Variants in SAMD3 observed in about 807,000 individuals in gnomAD.
SAMD3 encodes sterile alpha motif domain containing 3.
SAMD3 carries 63 observed loss-of-function variants against 58.5 expected under a neutral mutation model. That is an observed-to-expected ratio of 1.08 (90% CI 0.88 to 1.33). The LOEUF (loss-of-function observed/expected upper bound fraction) is 1.33. Ranked by LOEUF, SAMD3 falls within the 40% of genes most tolerant of loss-of-function variation. The probability of loss-of-function intolerance (pLI) is 0.00; values close to 1 mark genes in which losing one functional copy is unlikely to be tolerated. For synonymous variants in SAMD3, 220 were observed against 210.3 expected (o/e 1.05, Z -0.40); for missense variants, 604 against 608.4 (o/e 0.99, Z 0.08).
chr6:130,211,428 C>A (rs992174048), intron 4 of SAMD3, among the ~76,000 whole-genome samples: 2 of 151,742 alleles, frequency 1.3e-5, no homozygotes, highest in Admixed American at 1.3e-4. Context: ...GGATTACAGG[C>A]ACCCGCCACC....
At chr6:130,233,526 G>A (rs562807322) in intron 2 of SAMD3, among the ~76,000 whole-genome samples, 3 of 152,216 alleles carry the variant, frequency 2.0e-5, no homozygotes, top group Non-Finnish European at 4.4e-5. Flanking sequence ...GGTCATCAAG[G>A]ATCCCGAGCT....
chr6:130,352,966 T>C (rs1278494120), intron 1 of SAMD3, among the ~76,000 whole-genome samples: 1 of 152,246 alleles, frequency 6.6e-6, no homozygotes, highest in African/African-American at 2.4e-5. Context: ...TTTCTTCATG[T>C]TTCTATCGGC....
chr6:130,199,087 G>A (rs142459811), intron 5 of SAMD3, among the ~76,000 whole-genome samples: 134 of 152,254 alleles, frequency 8.8e-4, no homozygotes, highest in African/African-American at 3.2e-3. Context: ...GGAGAACAAG[G>A]GACAAGTGGA....
At chr6:130,261,094 G>C (rs1344504606) in intron 2 of SAMD3, among the ~76,000 whole-genome samples, 1 of 150,348 alleles carries the variant, frequency 6.7e-6, no homozygotes, top group Non-Finnish European at 1.5e-5. Context: ...TTTGGTTTTG[G>C]TTTTGGTTTT....
At chr6:130,269,026 T>C (rs1774461100) in intron 2 of SAMD3, among the ~76,000 whole-genome samples, 1 of 152,196 alleles carries the variant, frequency 6.6e-6, no homozygotes, top group South Asian at 2.1e-4. Context: ...GGTCTGAGGA[T>C]TATTTGCCTA....
intron 1 of SAMD3, among the ~76,000 whole-genome samples, chr6:130,321,708 A>G (rs1776590176): frequency 1.0e-5 from 1 of 95,484 alleles, no homozygotes; most frequent in African/African-American, 1.1e-4. Flanking sequence ...CATTCCCCCA[A>G]TAAAATAAGA....
intron 2 of SAMD3, among the ~76,000 whole-genome samples, chr6:130,302,007 T>C (rs771304655): frequency 6.6e-5 from 10 of 152,158 alleles, no homozygotes; most frequent in Non-Finnish European, 2.9e-5. Flanking sequence ...GAAAAACTCT[T>C]GTGGACATTG....
Position 130,285,087 on chromosome 6 carries a change from T to C in SAMD3, c.-188+27891A>G, listed in dbSNP as rs191296086. Among the ~76,000 whole-genome samples the C allele has an allele frequency of 1.4e-4, 22 of 152,322 alleles. No homozygotes were observed. The East Asian group carries it at 3.7e-3, about 25-fold the overall frequency. The stretch of plus-strand genomic sequence containing the variant: ...TAGTATTCAATGGTTAAAAATGGAC[T>C]AGATCTCATGGATAAGATGGATAAT... On this transcript the variant is annotated intron_variant, in intron 2 of 13. Transcript: ENST00000368134.
chr6:130,157,693 T>C (rs1789917553), intron 8 of SAMD3, among the ~76,000 whole-genome samples: 1 of 152,190 alleles, frequency 6.6e-6, no homozygotes, highest in Admixed American at 6.5e-5. Context: ...ACAAAGGTGC[T>C]TTATTAAACT....
chr6:130,254,796 C>A (rs1773869721), intron 2 of SAMD3, among the ~76,000 whole-genome samples: 2 of 152,268 alleles, frequency 1.3e-5, no homozygotes, highest in Non-Finnish European at 2.9e-5. Context: ...AGTATTCCCT[C>A]CTCTTTGACT....
At chr6:130,268,669 T>C (rs1056932670) in intron 2 of SAMD3, among the ~76,000 whole-genome samples, 18 of 152,192 alleles carry the variant, frequency 1.2e-4, no homozygotes, top group Non-Finnish European at 4.4e-5. Context: ...TAATATTCAG[T>C]ATAGTAACGT....
At chr6:130,346,079 A>G (rs1777440337) in intron 1 of SAMD3, among the ~76,000 whole-genome samples, 1 of 152,228 alleles carries the variant, frequency 6.6e-6, no homozygotes, top group Non-Finnish European at 1.5e-5. Flanking sequence ...AAAAATTAAT[A>G]TGGTTGGGAG....
chr6:130,285,121 A>G (rs1164479590), intron 2 of SAMD3, among the ~76,000 whole-genome samples: 1 of 152,256 alleles, frequency 6.6e-6, no homozygotes, highest in Non-Finnish European at 1.5e-5. Context: ...ATTCCATCTG[A>G]TCATTCCATA....
chr6:130,192,617 T>C (rs1234404800), intron 5 of SAMD3, among the ~76,000 whole-genome samples: 1 of 151,964 alleles, frequency 6.6e-6, no homozygotes, highest in Admixed American at 6.6e-5. Flanking sequence ...GCTGACTCTC[T>C]TTTTGGACTC....
At chr6:130,144,314 C>G, downstream of SAMD3, 1 of 551,878 alleles carries the variant, frequency 1.8e-6, no homozygotes, top group South Asian at 3.0e-5. Context: ...ATCGACAGCT[C>G]TTTAATGAAG....
intron 8 of SAMD3, among the ~76,000 whole-genome samples, chr6:130,172,340 G>T (rs567794228): frequency 6.6e-6 from 1 of 152,278 alleles, no homozygotes; most frequent in South Asian, 2.1e-4. Flanking sequence ...GCAGTGGCTG[G>T]TACCAGTTTT....
At chr6:130,279,885 A>G (rs887959462) in intron 2 of SAMD3, among the ~76,000 whole-genome samples, 1 of 152,280 alleles carries the variant, frequency 6.6e-6, no homozygotes, top group Non-Finnish European at 1.5e-5. Flanking sequence ...GGAGCTAAAT[A>G]AAAAGCAGTC....
chr6:130,363,411 T>C (rs1286525228), intron 1 of SAMD3, among the ~76,000 whole-genome samples: 2 of 152,240 alleles, frequency 1.3e-5, no homozygotes, highest in Non-Finnish European at 2.9e-5. Context: ...CAGACTTTTA[T>C]AATACTATAC....
chr6:130,158,013 T>A (rs1469499448), intron 8 of SAMD3, among the ~76,000 whole-genome samples: 1 of 151,956 alleles, frequency 6.6e-6, no homozygotes, highest in Non-Finnish European at 1.5e-5. Context: ...ACAAAAAATG[T>A]GGAAGACTTT....
Sources: gnomAD v4.1 joint callset for allele counts (sites outside exome capture counted in the v4.1 genomes callset) on GRCh38, gnomAD v4.1.1 for gene constraint, MANE v1.5 for transcripts, NCBI Gene and HGNC (gene_info 2026-07-23, HGNC 2026-07-21) for gene names.